SETX: variants seen among roughly 807,000 people sequenced by gnomAD.
The protein encoded by SETX is senataxin.
SETX carries 90 observed loss-of-function variants against 227.2 expected under a neutral mutation model. The observed-to-expected ratio is 0.40, with a 90% confidence interval of 0.33 to 0.47. SETX has a LOEUF of 0.47. SETX is among the 20% of genes least tolerant of loss of function. The pLI is 0.91. For missense variants in SETX, 3,052 were observed against 3,181.5 expected (o/e 0.96, Z 0.98); for synonymous variants, 1,210 against 1,113.2 (o/e 1.09, Z -1.73).
chr9:132,347,080 C>T (rs538756739), intron 3 of SETX, among the ~76,000 whole-genome samples: 5 of 151,812 alleles, frequency 3.3e-5, no homozygotes, highest in African/African-American at 1.2e-4. Flanking sequence ...CACGGAGGAA[C>T]CTCGTCTCTA....
chr9:132,302,557 G>T (rs1344325142), intron 11 of SETX, among the ~76,000 whole-genome samples: 1 of 147,800 alleles, frequency 6.8e-6, no homozygotes, highest in Non-Finnish European at 1.5e-5. Context: ...CTACTTGGGA[G>T]GCTGAGGCAG....
At chr9:132,309,700 G>C (rs1037078992) in intron 11 of SETX, among the ~76,000 whole-genome samples, 9 of 151,930 alleles carry the variant, frequency 5.9e-5, no homozygotes, top group Non-Finnish European at 8.8e-5. Context: ...AAAAAAAAAG[G>C]GGGAACATAA....
chr9:132,346,192 TAA>T (rs1848275884), intron 4 of SETX, 67 bp downstream of exon 4: 1 of 1,285,788 alleles, frequency 7.8e-7, no homozygotes. Flanking sequence ...GCAATATAGA[TAA>T]GCCTAAATTC....
At chr9:132,285,184 T>C (rs867452453) in intron 18 of SETX, among the ~76,000 whole-genome samples, 4 of 152,068 alleles carry the variant, frequency 2.6e-5, no homozygotes, top group Middle Eastern at 3.4e-3. Flanking sequence ...GCCAAAGCTA[T>C]TTTCATTAAC....
chr9:132,283,145 A>C, intron 19 of SETX, 119 bp downstream of exon 19: 3 of 1,245,784 alleles, frequency 2.4e-6, no homozygotes, highest in South Asian at 1.3e-5. Context: ...GGTAATAGCA[A>C]GTGAAAATCA....
chr9:132,315,037 T>C (rs982560120), intron 10 of SETX, among the ~76,000 whole-genome samples: 9 of 150,074 alleles, frequency 6.0e-5, no homozygotes, highest in African/African-American at 2.0e-4. Flanking sequence ...CTCAGCCTCC[T>C]GAGTAGCTGG....
chr9:132,322,947 A>G (rs1257766415), intron 10 of SETX, among the ~76,000 whole-genome samples: 1 of 152,226 alleles, frequency 6.6e-6, no homozygotes, highest in African/African-American at 2.4e-5. Context: ...AAAAGGATTC[A>G]ACGGACTTAG....
chr9:132,303,887 C>G lies in SETX; in HGVS notation c.5375-3084G>C, dbSNP rs574313922. On this transcript the variant is annotated intron_variant, in intron 11 of 25. Coordinates refer to ENST00000224140, the MANE Select transcript of SETX (RefSeq NM_015046.7). ...CTGTAATCCCAGCACTTTGGGAGGC[C>G]GAGGCGGGTGGTTCACCTGAGATCA... Among the ~76,000 whole-genome samples the G allele has an allele frequency of 6.0e-4, 92 of 152,238 alleles. No individual in the cohort carries two copies. The Middle Eastern group carries it at 0.01, about 17-fold the overall frequency.
chr9:132,302,665 A>G (rs1446940614), intron 11 of SETX, among the ~76,000 whole-genome samples: 1 of 135,272 alleles, frequency 7.4e-6, no homozygotes, highest in Non-Finnish European at 1.5e-5. Context: ...TGTCTCAAAA[A>G]AAAAAAAAAA....
intron 17 of SETX, among the ~76,000 whole-genome samples, chr9:132,287,907 C>T (rs1196948458): frequency 6.6e-6 from 1 of 152,182 alleles, no homozygotes; most frequent in Non-Finnish European, 1.5e-5. Flanking sequence ...GTCGCAATGG[C>T]TCATGCCTGT....
intron 23 of SETX, among the ~76,000 whole-genome samples, chr9:132,273,997 A>G (rs28897089): frequency 0.17 from 25,143 of 150,830 alleles, 2,568 homozygotes; most frequent in East Asian, 0.43. Context: ...TCATCAAAGC[A>G]TTTTGGGTTC....
chr9:132,284,566 G>C (rs1843728937), intron 18 of SETX, among the ~76,000 whole-genome samples: 2 of 152,242 alleles, frequency 1.3e-5, no homozygotes, highest in South Asian at 2.1e-4. Flanking sequence ...ACCTGGCTCG[G>C]CCAAGCTTCA....
rs1311336318 is a variant in SETX, at chr9:132,326,726, T to TA, written c.4871dup (p.Asn1626LysfsTer2). 1 of 1,614,210 alleles carries TA rather than the reference T, an allele frequency of 6.2e-7. No individual in the cohort carries two copies. The highest frequency in any genetic ancestry group is 1.1e-5 in the South Asian group (1 of 91,088). ...ACTGTATCCCCTTTGACTTATTTTT[T>TA]AGAGACGGTGAAAGTGCTGAAGAAG... On this transcript the variant is annotated frameshift_variant, in exon 10 of 26. Transcript: ENST00000224140. LOFTEE classifies it high-confidence loss of function.
chr9:132,334,588 C>T lies in SETX; in HGVS notation c.838+20G>A. On this transcript the variant is annotated intron_variant, in intron 7 of 25. Transcript: ENST00000224140. ...CATCATCACTATATTCAACAACATT[C>T]AGCAAGTAAAGTTTATTACCATCTG... The T allele has an allele frequency of 6.2e-7, 1 of 1,613,504 alleles. No homozygotes were observed. Among genetic ancestry groups the T allele is most frequent in the Non-Finnish European group, 8.5e-7 (1 of 1,179,538 alleles).
rs947475848 is a variant in SETX at position 132,352,215 on chromosome 9, A to G, written c.-8+1434T>C. On this transcript the variant is annotated intron_variant, in intron 2 of 25. Coordinates refer to ENST00000224140, the MANE Select transcript of SETX (RefSeq NM_015046.7). ...TAGGTTCCTGACCTGACTCTGCTAA[A>G]GCATATGAAAATGCTGCCCATCCTT... Among the ~76,000 whole-genome samples, 5 of 152,230 alleles carry G rather than the reference A, an allele frequency of 3.3e-5. No homozygotes were observed. The East Asian group carries it at 9.6e-4, about 29-fold the overall frequency.
chr9:132,343,861 GT>G (rs1216661000), intron 4 of SETX, among the ~76,000 whole-genome samples: 1 of 152,094 alleles, frequency 6.6e-6, no homozygotes, highest in African/African-American at 2.4e-5. Context: ...GAATTTATTG[GT>G]TTAGACAAAC....
At chr9:132,347,697 C>T (rs1291382349) in intron 3 of SETX, among the ~76,000 whole-genome samples, 4 of 151,900 alleles carry the variant, frequency 2.6e-5, no homozygotes, top group Non-Finnish European at 4.4e-5. Context: ...GAAGCTGGAG[C>T]CTCTCTGTCA....
chr9:132,351,438 A>G (rs1236175169), intron 2 of SETX, among the ~76,000 whole-genome samples: 1 of 152,256 alleles, frequency 6.6e-6, no homozygotes. Context: ...AGAAAATTAC[A>G]GAATTTGCTT....
Position 132,264,045 on chromosome 9 carries a change from C to T in SETX, c.*194G>A, listed in dbSNP as rs369541411. 8.9e-6 allele frequency: 6 copies of T among 675,498 alleles called. No individual in the cohort carries two copies. The highest frequency in any genetic ancestry group is 7.2e-5 in the African/African-American group (4 of 55,520). 41.8% of individuals were successfully genotyped at this position (675,498 alleles called of 1,614,324 possible). ...AGGACATTATTACGGATACACAATG[C>T]CCTCTGAAAGCTTTTGCAAATGACA... On this transcript the variant is annotated 3_prime_UTR_variant, in exon 26 of 26. Coordinates refer to ENST00000224140, the MANE Select transcript of SETX (RefSeq NM_015046.7).
Sources: gnomAD v4.1 joint callset for allele counts (sites outside exome capture counted in the v4.1 genomes callset) on GRCh38, gnomAD v4.1.1 for gene constraint, MANE v1.5 for transcripts, NCBI Gene and HGNC (gene_info 2026-07-23, HGNC 2026-07-21) for gene names.